Variants in SLCO5A1 observed in about 807,000 individuals in gnomAD.
SLCO5A1 encodes organic anion transporter polypeptide-related protein 4.
A neutral mutation model predicts 65.1 loss-of-function variants in SLCO5A1; 39 were observed. The ratio of observed to expected loss-of-function variants is 0.60; its 90% confidence interval spans 0.46 to 0.78. The LOEUF is 0.78. Ranked by LOEUF, SLCO5A1 falls within the 30% of genes least tolerant of loss-of-function variation. SLCO5A1 has a pLI of 0.00. For synonymous variants in SLCO5A1, 438 were observed against 415.7 expected (o/e 1.05, Z -0.65); for missense variants, 1,029 against 1,069.4 (o/e 0.96, Z 0.53).
At chr8:69,733,433 G>T (rs1438461584) in intron 5 of SLCO5A1, among the ~76,000 whole-genome samples, 1 of 152,156 alleles carries the variant, frequency 6.6e-6, no homozygotes, top group East Asian at 1.9e-4. Flanking sequence ...CTGAAATTTA[G>T]GGAGGAAAGT....
At chr8:69,789,190 A>G (rs1274219033) in intron 2 of SLCO5A1, among the ~76,000 whole-genome samples, 9 of 152,236 alleles carry the variant, frequency 5.9e-5, no homozygotes, top group Non-Finnish European at 1.2e-4. Context: ...ATAGAGCACC[A>G]TCACCTTCAG....
intron 5 of SLCO5A1, among the ~76,000 whole-genome samples, chr8:69,714,441 C>A (rs1468715888): frequency 6.6e-6 from 1 of 152,170 alleles, no homozygotes; most frequent in Non-Finnish European, 1.5e-5. Flanking sequence ...ACAGTAAGTT[C>A]TTTTAGGAGT....
intron 2 of SLCO5A1, chr8:69,794,442 T>C (rs925199865): frequency 6.7e-6 from 3 of 447,478 alleles, no homozygotes; most frequent in African/African-American, 4.1e-5. Flanking sequence ...AGAAACTTTA[T>C]AAGTGATGAA....
At chr8:69,778,843 TGTATGTACAGGACA>T (rs1200391961) in intron 2 of SLCO5A1, among the ~76,000 whole-genome samples, 1 of 152,198 alleles carries the variant, frequency 6.6e-6, no homozygotes, top group Non-Finnish European at 1.5e-5. Context: ...CTCTGAAGAA[TGTATGTACAGGACA>T]GTATTTGCAA....
chr8:69,705,300 C>G, intron 5 of SLCO5A1, 71 bp from the exon 6 acceptor site: 4 of 1,492,026 alleles, frequency 2.7e-6, no homozygotes, highest in South Asian at 1.2e-5. Context: ...TATTCTGTCT[C>G]TTGCTCAGTA....
intron 2 of SLCO5A1, among the ~76,000 whole-genome samples, chr8:69,765,217 T>TAC (rs199817748): frequency 1.1e-4 from 17 of 151,800 alleles, no homozygotes; most frequent in African/African-American, 7.2e-5. Context: ...CATATATATA[T>TAC]ACACACACAC....
intron 2 of SLCO5A1, among the ~76,000 whole-genome samples, chr8:69,789,194 C>T (rs563713037): frequency 2.0e-5 from 3 of 152,336 alleles, no homozygotes; most frequent in South Asian, 2.1e-4. Flanking sequence ...AGCACCATCA[C>T]CTTCAGCCAA....
chr8:69,733,189 C>T (rs1816413063), intron 5 of SLCO5A1, among the ~76,000 whole-genome samples: 1 of 152,098 alleles, frequency 6.6e-6, no homozygotes. Context: ...ATTCTCAGAC[C>T]TATTCAAAGT....
chr8:69,777,508 T>C (rs1818610997), intron 2 of SLCO5A1, among the ~76,000 whole-genome samples: 1 of 112,710 alleles, frequency 8.9e-6, no homozygotes, highest in African/African-American at 3.4e-5. Context: ...GGGGTGTGTG[T>C]GGGTGGGGGG....
intron 6 of SLCO5A1, among the ~76,000 whole-genome samples, chr8:69,685,212 A>G (rs1268503843): frequency 6.6e-6 from 1 of 152,224 alleles, no homozygotes; most frequent in African/African-American, 2.4e-5. Context: ...CATCCTTTAC[A>G]CTGTGCTGAA....
chr8:69,785,542 A>G (rs1229646708), intron 2 of SLCO5A1, among the ~76,000 whole-genome samples: 2 of 152,224 alleles, frequency 1.3e-5, no homozygotes, highest in Non-Finnish European at 2.9e-5. Flanking sequence ...TTCTAAACAC[A>G]ATAGTAAATC....
chr8:69,743,018 T>A (rs984621431), intron 4 of SLCO5A1, among the ~76,000 whole-genome samples: 3 of 152,060 alleles, frequency 2.0e-5, no homozygotes, highest in African/African-American at 7.2e-5. Context: ...GCCAGGATGG[T>A]CTCGATCTCC....
intron 4 of SLCO5A1, among the ~76,000 whole-genome samples, chr8:69,739,533 A>G (rs187073620): frequency 6.6e-6 from 1 of 152,172 alleles, no homozygotes; most frequent in Non-Finnish European, 1.5e-5. Context: ...CTCTTTCAAC[A>G]TAATAAAGTC....
chr8:69,738,347 C>T (rs528973799), intron 4 of SLCO5A1, 143 bp from the exon 5 acceptor site: 40 of 682,772 alleles, frequency 5.9e-5, no homozygotes, highest in South Asian at 3.2e-4. Flanking sequence ...GATCTGATGA[C>T]GATTAGAAAC....
At chr8:69,793,072 C>T (rs1163555077) in intron 2 of SLCO5A1, among the ~76,000 whole-genome samples, 2 of 152,156 alleles carry the variant, frequency 1.3e-5, no homozygotes, top group East Asian at 3.9e-4. Flanking sequence ...GCCTCCGCCT[C>T]CTGGGTTCAA....
At chr8:69,746,823 T>C (rs1409421157) in intron 4 of SLCO5A1, among the ~76,000 whole-genome samples, 2 of 152,182 alleles carry the variant, frequency 1.3e-5, no homozygotes. Context: ...AGCGAGAGAC[T>C]GCCCTCCCAG....
chr8:69,780,754 T>A (rs544082024), intron 2 of SLCO5A1, among the ~76,000 whole-genome samples: 7 of 152,298 alleles, frequency 4.6e-5, no homozygotes, highest in Non-Finnish European at 8.8e-5. Flanking sequence ...CTATGCCATC[T>A]ATCCATGGTA....
intron 3 of SLCO5A1, among the ~76,000 whole-genome samples, chr8:69,760,754 C>T (rs897342004): frequency 6.6e-6 from 1 of 152,160 alleles, no homozygotes; most frequent in Non-Finnish European, 1.5e-5. Context: ...AAGTTGAGGA[C>T]TGCAAGAACT....
intron 4 of SLCO5A1, among the ~76,000 whole-genome samples, chr8:69,742,785 G>A (rs1337969371): frequency 6.9e-6 from 1 of 145,430 alleles, no homozygotes; most frequent in African/African-American, 2.5e-5. Context: ...TAGGTGGTGT[G>A]AGTGGATTCT....
Sources: allele counts gnomAD v4.1 joint callset (sites outside exome capture counted in the v4.1 genomes callset), GRCh38; gene constraint gnomAD v4.1.1; transcripts MANE v1.5; gene names NCBI Gene and HGNC (gene_info 2026-07-23, HGNC 2026-07-21).